RFC3: variants seen among roughly 807,000 people sequenced by gnomAD.
The protein encoded by RFC3 is A1 38 kDa subunit.
In RFC3, 41 loss-of-function variants were observed where a neutral mutation model predicts 45.1. The ratio of observed to expected loss-of-function variants is 0.91; its 90% CI spans 0.71 to 1.18. RFC3 has a LOEUF of 1.18. Among genes scored for constraint, RFC3 ranks in the 50% most tolerant of loss-of-function variants. The pLI is 0.00. For synonymous variants in RFC3, 149 were observed against 144.0 expected, an observed-to-expected ratio of 1.03 and a Z score of -0.25; for missense variants, 423 against 428.1, an observed-to-expected ratio of 0.99 and a Z score of 0.10.
chr13:33,919,899 T>G (rs2082757092), intron 8 of RFC3, among the ~76,000 whole-genome samples: 1 of 152,154 alleles, frequency 6.6e-6, no homozygotes, highest in Admixed American at 6.5e-5. Flanking sequence ...TAACCTGGGT[T>G]GTAGTCTTCA....
At chr13:33,977,374 A>G in the RFC3 span, among the ~76,000 whole-genome samples, 1 of 152,148 alleles carries the variant, frequency 6.6e-6, no homozygotes, top group African/African-American at 2.4e-5. Context: ...TTATTTAAAA[A>G]CAATAAGGGT....
Position 33,852,520 on chromosome 13 carries a change from T to A in RFC3, c.879+17303T>A, listed in dbSNP as rs138574881. 2.8e-3 allele frequency among the ~76,000 whole-genome samples: 431 copies of A among 152,240 alleles called. 2 individuals are homozygous for A. The highest frequency in any genetic ancestry group is 0.01 in the African/African-American group (421 of 41,532). ...GCAGAGCATAGAATAATGGTGCCATTTATTGGGGAGTAACCCTCAGAAACC... is the reference window on the plus strand; with the variant it reads ...GCAGAGCATAGAATAATGGTGCCATATATTGGGGAGTAACCCTCAGAAACC... On this transcript the variant is annotated intron_variant, in intron 8 of 8. Transcript: ENST00000434425.
At chr13:33,974,868 GCAA>G in the RFC3 span, among the ~76,000 whole-genome samples, 1 of 152,000 alleles carries the variant, frequency 6.6e-6, no homozygotes, top group East Asian at 1.9e-4. Context: ...AACAACAGCA[GCAA>G]CAACAACAAC....
In RFC3 at chr13:33,890,486, T is replaced by G. The variant is rs2082556728; in HGVS notation, c.879+55269T>G. ...CAATGGTGATTTGGATGCCATCGTA[T>G]TGACCCAGTGTGATGAAATGAGCAA... is the stretch of plus-strand genomic sequence containing the variant. On this transcript the variant is annotated intron_variant, in intron 8 of 8. Coordinates refer to the RFC3 transcript ENST00000434425. Among the ~76,000 whole-genome samples, 8 of 152,262 alleles carry G rather than the reference T, an allele frequency of 5.3e-5. No individual in the cohort carries two copies. The South Asian group carries it at 1.7e-3, about 32-fold the overall frequency.
chr13:33,852,306 C>T (rs751831821), intron 8 of RFC3, among the ~76,000 whole-genome samples: 4 of 152,174 alleles, frequency 2.6e-5, no homozygotes, highest in Non-Finnish European at 2.9e-5. Flanking sequence ...ACCTACTTGA[C>T]GTGGCTCCAA....
Position 33,877,490 on chromosome 13 carries a change from A to G in RFC3, c.879+42273A>G, listed in dbSNP as rs114964298. ...GGAAGAACCTGACACTTTGATATGG[A>G]AGCTGTTTAAGGAATATGAATGTCA... On this transcript the variant is annotated intron_variant, in intron 8 of 8. Transcript: ENST00000434425. Among the ~76,000 whole-genome samples the G allele has an allele frequency of 5.3e-3, 809 of 152,286 alleles. 5 individuals carry two copies. The highest frequency in any genetic ancestry group is 0.018 in the African/African-American group (757 of 41,562).
chr13:33,837,746 T>A (rs1250090742), downstream of RFC3, among the ~76,000 whole-genome samples: 1 of 152,124 alleles, frequency 6.6e-6, no homozygotes, highest in Non-Finnish European at 1.5e-5. Context: ...TTCTACTTTT[T>A]CCCTCTACTT....
chr13:33,975,158 A>G, the RFC3 span, among the ~76,000 whole-genome samples: 1 of 152,224 alleles, frequency 6.6e-6, no homozygotes, highest in Non-Finnish European at 1.5e-5. Context: ...TCAAAGGTGA[A>G]TTGATGAACA....
intron 8 of RFC3, among the ~76,000 whole-genome samples, chr13:33,859,306 A>G (rs2082326046): frequency 6.6e-6 from 1 of 152,238 alleles, no homozygotes; most frequent in African/African-American, 2.4e-5. Flanking sequence ...ATTTTGAGGG[A>G]TAATAAATGC....
At chr13:33,902,628 T>C (rs2082648725) in intron 8 of RFC3, among the ~76,000 whole-genome samples, 1 of 152,044 alleles carries the variant, frequency 6.6e-6, no homozygotes, top group Non-Finnish European at 1.5e-5. Flanking sequence ...ACTTCCCAAG[T>C]TTACCCCTTA....
chr13:33,955,156 G>A (rs555403571), intron 8 of RFC3, among the ~76,000 whole-genome samples: 2 of 152,126 alleles, frequency 1.3e-5, no homozygotes, highest in Non-Finnish European at 2.9e-5. Context: ...CTACCAAGAC[G>A]GAAAAATTAT....
At chr13:33,834,298 G>GTGTGTGTATATATATATATATATATATA (rs1302839326) in intron 7 of RFC3, among the ~76,000 whole-genome samples, 1 of 109,204 alleles carries the variant, frequency 9.2e-6, no homozygotes, top group African/African-American at 4.1e-5. Context: ...TGTACTGTGT[G>GTGTGTGTATATATATATATATATATATA]TATATATATA....
At position 33,823,946 on chromosome 13, in the gene RFC3, C is replaced by T; in HGVS notation, c.255C>T (p.Ser85=). The T allele has an allele frequency of 1.3e-6, 2 of 1,565,506 alleles. No individual in the cohort carries two copies. Among genetic ancestry groups the T allele is most frequent in the Non-Finnish European group, 1.7e-6 (2 of 1,143,064 alleles). The change falls in exon 3 of 9, where the codon AGC becomes AGT. Residue 85 remains serine, a synonymous_variant. Transcript: ENST00000380071. The part of the protein sequence containing the change: ...TTPSKKKIEI[S]TIASNYHLEV... ...CATCTAAAAAAAAAATTGAAATTAG[C>T]ACCATTGCAAGTAACTACCACCTTG...
intron 8 of RFC3, among the ~76,000 whole-genome samples, chr13:33,945,871 G>A (rs761369779): frequency 1.3e-5 from 2 of 152,146 alleles, no homozygotes; most frequent in Non-Finnish European, 2.9e-5. Context: ...TTTCTAAGGC[G>A]GGACATCTTG....
chr13:33,949,446 T>C (rs944977082), intron 8 of RFC3, among the ~76,000 whole-genome samples: 2 of 152,190 alleles, frequency 1.3e-5, no homozygotes, highest in African/African-American at 4.8e-5. Flanking sequence ...AGCTAAAAAT[T>C]TATCATTTAC....
chr13:33,876,500 A>G (rs559935269), intron 8 of RFC3, among the ~76,000 whole-genome samples: 1 of 152,300 alleles, frequency 6.6e-6, no homozygotes, highest in South Asian at 2.1e-4. Flanking sequence ...ATCTTAATCC[A>G]TTTTAGGTAA....
intron 8 of RFC3, chr13:33,849,293 T>G (rs1362263473): frequency 6.6e-6 from 1 of 152,290 alleles, no homozygotes; most frequent in African/African-American, 2.4e-5. Context: ...GTGAGAACAT[T>G]GAGCTAACAT....
intron 8 of RFC3, among the ~76,000 whole-genome samples, chr13:33,880,461 T>C (rs2099862526): frequency 6.6e-6 from 1 of 151,984 alleles, no homozygotes; most frequent in African/African-American, 2.4e-5. Context: ...TAGGCAAGAC[T>C]ATTCCATATA....
intron 8 of RFC3, among the ~76,000 whole-genome samples, chr13:33,874,284 C>T (rs557215319): frequency 6.6e-6 from 1 of 152,248 alleles, no homozygotes; most frequent in African/African-American, 2.4e-5. Flanking sequence ...CCCAGCAATG[C>T]CACTAACTAG....
Sources: gnomAD v4.1 joint callset for allele counts (sites outside exome capture counted in the v4.1 genomes callset) on GRCh38, gnomAD v4.1.1 for gene constraint, MANE v1.5 for transcripts, NCBI Gene and HGNC (gene_info 2026-07-23, HGNC 2026-07-21) for gene names.